SPATA13: variants seen among roughly 807,000 people sequenced by gnomAD.
The protein encoded by SPATA13 is spermatogenesis associated 13.
SPATA13 carries 50 observed loss-of-function variants against 104.0 expected under a neutral mutation model. That is an observed-to-expected ratio of 0.48 (90% CI 0.38 to 0.61). The LOEUF (loss-of-function observed/expected upper bound fraction) is 0.61. SPATA13 is among the 20% of genes least tolerant of loss of function. The pLI, the probability that SPATA13 is intolerant of heterozygous loss-of-function variation, is 0.00. For missense variants in SPATA13, 1,524 were observed against 1,690.6 expected (o/e 0.90, Z 1.73); for synonymous variants, 606 against 667.5 (o/e 0.91, Z 1.42).
intron 2 of SPATA13, among the ~76,000 whole-genome samples, chr13:24,235,105 C>T (rs536385997): frequency 2.0e-4 from 30 of 152,242 alleles, no homozygotes; most frequent in African/African-American, 7.0e-4. Context: ...GAAATTATTT[C>T]CTTTGGTCAA....
intron 4 of SPATA13, among the ~76,000 whole-genome samples, chr13:24,257,595 A>G (rs1366874516): frequency 2.7e-5 from 4 of 150,622 alleles, no homozygotes; most frequent in African/African-American, 9.9e-5. Flanking sequence ...GCTCAATTTG[A>G]TTTTTTAAAT....
At chr13:24,138,405 G>A (rs1022767945) in intron 3 of SPATA13, among the ~76,000 whole-genome samples, 1 of 152,062 alleles carries the variant, frequency 6.6e-6, no homozygotes, top group Non-Finnish European at 1.5e-5. Flanking sequence ...GGTTTAGTGC[G>A]TCAGTTTTCC....
Position 24,249,603 on chromosome 13 carries a change from G to A in SPATA13, c.1780G>A (p.Gly594Ser), listed in dbSNP as rs150270574. ...AAGGCCTCGGCCATTCTCTGACTAC[G>A]GCCAGCTGGCCAGCCGCAGTTTGTC... The part of the protein sequence containing the change: ...RPRPRPFSDY[G>S]QLASRSLSIP... The change falls in exon 3 of 13, where the codon GGC becomes AGC. Residue 594 changes from glycine to serine, a missense_variant. Physicochemically the swap from Gly to Ser is moderately conservative, Grantham distance 56. This residue lies in a region of SPATA13 where 1,089 missense variants were observed against 1,135.9 expected (regional missense o/e 0.96). Transcript: ENST00000382108. The A allele has an allele frequency of 3.0e-4, 480 of 1,613,928 alleles. 2 individuals are homozygous for A. In the African/African-American group the frequency reaches 4.5e-3, roughly 15 times the overall value.
At chr13:24,191,116 T>A (rs1049741773) in intron 1 of SPATA13, among the ~76,000 whole-genome samples, 12 of 152,108 alleles carry the variant, frequency 7.9e-5, no homozygotes, top group Non-Finnish European at 1.8e-4. Flanking sequence ...GAAGTCTTTT[T>A]AAATTTATTA....
At chr13:24,083,299 T>A (rs541834969) in intron 3 of SPATA13, among the ~76,000 whole-genome samples, 17 of 152,324 alleles carry the variant, frequency 1.1e-4, no homozygotes, top group African/African-American at 4.1e-4. Flanking sequence ...TCTTGCCACC[T>A]GACAAAGGGC....
rs1876465767 is a variant in SPATA13, at chr13:24,011,416, C to T, written c.-146-6251C>T. ...CTGAGACCGTTCTGGGCAGGTCTGG[C>T]TTGCTGCCCTCCCCTGGAGAATGTG... On this transcript the variant is annotated intron_variant, in intron 2 of 14. Transcript: ENST00000424834. This position sits in a 1 kb window ranked among gnomAD's most constrained non-coding sequence, Gnocchi z 4.3. 6.6e-6 allele frequency among the ~76,000 whole-genome samples: 1 copy of T among 152,220 alleles called. No individual in the cohort carries two copies. The highest frequency in any genetic ancestry group is 2.1e-4 in the South Asian group (1 of 4,834).
chr13:24,153,814 T>C (rs1463259252), intron 3 of SPATA13, among the ~76,000 whole-genome samples: 1 of 152,184 alleles, frequency 6.6e-6, no homozygotes, highest in Admixed American at 6.5e-5. Context: ...TGGTGAGGTA[T>C]AGTGAGAGAG....
intron 2 of SPATA13, among the ~76,000 whole-genome samples, chr13:23,997,037 T>C (rs1379753693): frequency 6.6e-6 from 1 of 152,204 alleles, no homozygotes; most frequent in African/African-American, 2.4e-5. Context: ...CAGCTAATAA[T>C]GGAATAACAA....
At position 24,114,268 on chromosome 13, in the gene SPATA13, C is replaced by T. The variant is rs144831398; in HGVS notation, c.-112+96567C>T. Among the ~76,000 whole-genome samples the T allele has an allele frequency of 2.8e-3, 424 of 151,730 alleles. 1 individual carries two copies. Among genetic ancestry groups the T allele is most frequent in the African/African-American group, 9.2e-3 (381 of 41,442 alleles). ...TCCTCTTTGTGGGGGTCTGTCCAATCAGATTGTGAATCTTTCTCATTGCTT... is the reference window on the plus strand; with the variant it reads ...TCCTCTTTGTGGGGGTCTGTCCAATTAGATTGTGAATCTTTCTCATTGCTT... On this transcript the variant is annotated intron_variant, in intron 3 of 14. Transcript: ENST00000424834.
chr13:24,216,565 C>G (rs1871269872), intron 1 of SPATA13, among the ~76,000 whole-genome samples: 1 of 152,196 alleles, frequency 6.6e-6, no homozygotes, highest in African/African-American at 2.4e-5. Flanking sequence ...TACAGATGCT[C>G]TTTTGAAGCA....
chr13:24,000,029 C>T (rs556600219), intron 2 of SPATA13, among the ~76,000 whole-genome samples: 1 of 152,336 alleles, frequency 6.6e-6, no homozygotes, highest in South Asian at 2.1e-4. Context: ...AGTGCTTGCC[C>T]TCATTAGTTA....
chr13:24,283,987 A>G, intron 4 of SPATA13, 148 bp from the exon 5 acceptor site: 1 of 772,394 alleles, frequency 1.3e-6, no homozygotes, highest in South Asian at 2.0e-5. Context: ...ACTTTGGAGT[A>G]ATGTAGACAT....
chr13:24,294,980 A>T (rs1294736353), intron 10 of SPATA13, 112 bp downstream of exon 10: 3 of 1,136,788 alleles, frequency 2.6e-6, no homozygotes, highest in Non-Finnish European at 3.7e-6. Context: ...TCTTGGCTTT[A>T]ATGGTACATA....
chr13:24,173,998 T>C (rs1264296902), intron 1 of SPATA13, among the ~76,000 whole-genome samples: 1 of 152,224 alleles, frequency 6.6e-6, no homozygotes, highest in African/African-American at 2.4e-5. Context: ...CAGGAAATGT[T>C]CCTCTTTCAT....
At chr13:24,152,597 A>G (rs1168472215) in intron 3 of SPATA13, among the ~76,000 whole-genome samples, 2 of 152,202 alleles carry the variant, frequency 1.3e-5, no homozygotes, top group East Asian at 3.8e-4. Context: ...CAGCTCCCAC[A>G]TCCCCGTCTG....
At chr13:24,090,565 T>G (rs1407405146) in intron 3 of SPATA13, among the ~76,000 whole-genome samples, 1 of 152,210 alleles carries the variant, frequency 6.6e-6, no homozygotes, top group Non-Finnish European at 1.5e-5. Context: ...TACAGACTAC[T>G]GAGCATGGTT....
chr13:24,182,803 G>A (rs926335554), intron 1 of SPATA13, among the ~76,000 whole-genome samples: 1 of 152,012 alleles, frequency 6.6e-6, no homozygotes, highest in Non-Finnish European at 1.5e-5. Flanking sequence ...AATATATTTG[G>A]CTGTGCAGAT....
intron 7 of SPATA13, among the ~76,000 whole-genome samples, chr13:24,287,347 G>A (rs1876029480): frequency 6.6e-6 from 1 of 152,116 alleles, no homozygotes; most frequent in Non-Finnish European, 1.5e-5. Flanking sequence ...ATTTTATATA[G>A]AGATAGGGTC....
At chr13:24,200,472 T>C (rs1449432353) in intron 1 of SPATA13, among the ~76,000 whole-genome samples, 1 of 151,968 alleles carries the variant, frequency 6.6e-6, no homozygotes, top group African/African-American at 2.4e-5. Context: ...CGTGAAATGC[T>C]ACCATTTTCC....
Sources: gnomAD v4.1 joint callset for allele counts (sites outside exome capture counted in the v4.1 genomes callset) on GRCh38, gnomAD v4.1.1 for gene constraint, gnomAD v4.1.1 regional missense constraint, Gnocchi (gnomAD v3.1) non-coding constraint, MANE v1.5 for transcripts, NCBI Gene and HGNC (gene_info 2026-07-23, HGNC 2026-07-21) for gene names.